Variants in ADGRV1 observed in about 807,000 individuals in gnomAD.
ADGRV1 encodes G-protein coupled receptor 98.
In ADGRV1, 359 loss-of-function variants were observed where a neutral mutation model predicts 596.2. The observed-to-expected ratio is 0.60, with a 90% CI of 0.55 to 0.66. The LOEUF (loss-of-function observed/expected upper bound fraction) is 0.66. Ranked by LOEUF, ADGRV1 falls within the 30% of genes least tolerant of loss-of-function variation. The pLI is 0.00. For synonymous variants in ADGRV1, 2,681 were observed against 2,679.2 expected (o/e 1.00, Z -0.02); for missense variants, 7,274 against 7,575.6 (o/e 0.96, Z 1.48).
At chr5:90,984,049 G>T (rs1780291814) in intron 84 of ADGRV1, among the ~76,000 whole-genome samples, 1 of 152,116 alleles carries the variant, frequency 6.6e-6, no homozygotes, top group African/African-American at 2.4e-5. Context: ...ACATTTTCCA[G>T]CATTGACTAT....
At chr5:90,825,360 C>T (rs1012950723) in intron 76 of ADGRV1, among the ~76,000 whole-genome samples, 1 of 152,082 alleles carries the variant, frequency 6.6e-6, no homozygotes, top group Non-Finnish European at 1.5e-5. Context: ...TGTTCCTTTC[C>T]TATGGAAATT....
intron 59 of ADGRV1, among the ~76,000 whole-genome samples, chr5:90,771,579 A>C (rs1224682598): frequency 6.6e-6 from 1 of 152,234 alleles, no homozygotes; most frequent in Non-Finnish European, 1.5e-5. Flanking sequence ...CATAGGATAA[A>C]AATTAAAGGC....
Position 90,559,130 on chromosome 5 carries a change from G to T in ADGRV1, c.22+213G>T, listed in dbSNP as rs544881512. Among the ~76,000 whole-genome samples, 307 of 152,256 alleles carry T rather than the reference G, an allele frequency of 2.0e-3. 1 individual carries two copies. Among genetic ancestry groups the T allele is most frequent in the African/African-American group, 7.2e-3 (300 of 41,570 alleles). On this transcript the variant is annotated intron_variant, in intron 1 of 89. Coordinates refer to ENST00000405460, the MANE Select transcript of ADGRV1 (RefSeq NM_032119.4). ...CGGTTCTGTCCAAGGCTGCGGTTTT[G>T]CAGGGAGCGTTAGGTTCCTGCACCC...
intron 85 of ADGRV1, among the ~76,000 whole-genome samples, chr5:91,000,869 C>T (rs1781802172): frequency 6.6e-6 from 1 of 152,008 alleles, no homozygotes; most frequent in African/African-American, 2.4e-5. Context: ...GGCTATTGGG[C>T]AGGAAGAATT....
At position 90,756,435 on chromosome 5, in the gene ADGRV1, T is replaced by G. The variant is rs1304244103; in HGVS notation, c.11581-19T>G. Reference sequence around the variant, plus strand: ...TCTTAAAAAAAAATGAAACACCATCTTTTTCCCCCATCCCCCAGGATGACC... The same window carrying G: ...TCTTAAAAAAAAATGAAACACCATCGTTTTCCCCCATCCCCCAGGATGACC... On this transcript the variant is annotated intron_variant, in intron 55 of 89. Coordinates refer to ENST00000405460, the MANE Select transcript of ADGRV1 (RefSeq NM_032119.4). The G allele has an allele frequency of 6.9e-7, 1 of 1,448,294 alleles. No homozygotes were observed. Among genetic ancestry groups the G allele is most frequent in the Admixed American group, 2.6e-5 (1 of 38,114 alleles). The allele number at this position is 1,448,294 out of a possible 1,614,324, so 89.7% of individuals were successfully genotyped here.
chr5:90,832,186 C>T (rs191474085), intron 77 of ADGRV1, among the ~76,000 whole-genome samples: 1 of 152,248 alleles, frequency 6.6e-6, no homozygotes. Flanking sequence ...CCAAACTTCT[C>T]CATAGTGGTT....
Position 90,706,405 on chromosome 5 carries a change from T to C in ADGRV1, c.8730+11T>C, listed in dbSNP as rs200034423. On this transcript the variant is annotated intron_variant, in intron 38 of 89. Transcript: ENST00000405460. ...ATTACCATTCTTGAGGTAAAACTCT[T>C]TTTTTTTTTTAATCTTAGGGGGAGA... The C allele has an allele frequency of 6.3e-5, 93 of 1,469,462 alleles. No individual in the cohort carries two copies. In the Admixed American group the frequency reaches 2.1e-3, roughly 33 times the overall value. 91.0% of individuals were successfully genotyped at this position (1,469,462 alleles called of 1,614,324 possible).
intron 87 of ADGRV1, among the ~76,000 whole-genome samples, chr5:91,141,265 AT>A (rs1795074082): frequency 6.6e-6 from 1 of 152,216 alleles, no homozygotes; most frequent in Admixed American, 6.5e-5. Flanking sequence ...GACTTCTTTT[AT>A]TATCTCTACT....
At chr5:90,928,962 A>T (rs576315234) in intron 83 of ADGRV1, among the ~76,000 whole-genome samples, 1,936 of 147,656 alleles carry the variant, frequency 0.013, 25 homozygotes, top group Non-Finnish European at 0.019. Context: ...GGGGTCAGGG[A>T]CCCACTTGAG....
At chr5:90,877,808 TACA>T (rs1429376892) in intron 83 of ADGRV1, among the ~76,000 whole-genome samples, 1 of 151,912 alleles carries the variant, frequency 6.6e-6, no homozygotes, top group Non-Finnish European at 1.5e-5. Flanking sequence ...CATAAATCAA[TACA>T]ACTTTACCTT....
chr5:90,927,058 G>A (rs1335707724), intron 83 of ADGRV1, among the ~76,000 whole-genome samples: 1 of 147,464 alleles, frequency 6.8e-6, no homozygotes, highest in Non-Finnish European at 1.5e-5. Context: ...TTCCAAGTAT[G>A]TGGTCAATTT....
chr5:90,760,232 C>T (rs1756365198), intron 58 of ADGRV1, among the ~76,000 whole-genome samples: 1 of 149,182 alleles, frequency 6.7e-6, no homozygotes, highest in Non-Finnish European at 1.5e-5. Flanking sequence ...GCCGAGATCA[C>T]GCCACTGCGC....
At chr5:91,084,104 C>T (rs531280272) in intron 86 of ADGRV1, among the ~76,000 whole-genome samples, 1 of 152,172 alleles carries the variant, frequency 6.6e-6, no homozygotes, top group East Asian at 1.9e-4. Flanking sequence ...CTTTCTGTCC[C>T]CTTCTGCCGG....
At chr5:91,052,813 T>C (rs1204878844) in intron 85 of ADGRV1, among the ~76,000 whole-genome samples, 3 of 152,164 alleles carry the variant, frequency 2.0e-5, no homozygotes, top group African/African-American at 7.2e-5. Flanking sequence ...GAGAAACTTT[T>C]CTGTATCAAT....
chr5:90,831,842 G>A (rs923859836), intron 77 of ADGRV1, among the ~76,000 whole-genome samples: 2 of 152,102 alleles, frequency 1.3e-5, no homozygotes, highest in Non-Finnish European at 2.9e-5. Context: ...GTGTTTCTCT[G>A]CGTGGCCTAT....
At chr5:90,738,338 G>T (rs937354931) in intron 50 of ADGRV1, among the ~76,000 whole-genome samples, 4 of 152,086 alleles carry the variant, frequency 2.6e-5, no homozygotes, top group East Asian at 3.9e-4. Context: ...AGATAAATTT[G>T]CTTTATATAA....
intron 85 of ADGRV1, among the ~76,000 whole-genome samples, chr5:91,070,570 T>C (rs1420766368): frequency 6.6e-6 from 1 of 152,248 alleles, no homozygotes; most frequent in Non-Finnish European, 1.5e-5. Flanking sequence ...GAAGCAGTTT[T>C]AGATATTGAG....
At chr5:91,051,625 C>A (rs1428003217) in intron 85 of ADGRV1, among the ~76,000 whole-genome samples, 1 of 145,694 alleles carries the variant, frequency 6.9e-6, no homozygotes, top group Non-Finnish European at 1.5e-5. Flanking sequence ...CGGCTCACTG[C>A]AAGCACCACC....
rs115286752 is a variant in ADGRV1 at position 90,764,306 on chromosome 5, G to A, written c.12285+837G>A. Reference sequence around the variant, plus strand: ...TCCAGGGCAAGCAACTTCACAACTTGTCTGTCCGCCATTGCTGGGACACTG... The same window carrying A: ...TCCAGGGCAAGCAACTTCACAACTTATCTGTCCGCCATTGCTGGGACACTG... On this transcript the variant is annotated intron_variant, in intron 59 of 89. Transcript: ENST00000405460. Among the ~76,000 whole-genome samples, 558 of 152,314 alleles carry A rather than the reference G, an allele frequency of 3.7e-3. 6 individuals are homozygous for A. The highest frequency in any genetic ancestry group is 0.013 in the African/African-American group (534 of 41,560).
Sources: gnomAD v4.1 joint callset for allele counts (sites outside exome capture counted in the v4.1 genomes callset) on GRCh38, gnomAD v4.1.1 for gene constraint, MANE v1.5 for transcripts, NCBI Gene and HGNC (gene_info 2026-07-23, HGNC 2026-07-21) for gene names.